Variants in ADGRG2 observed in about 807,000 individuals in gnomAD.
The protein encoded by ADGRG2 is adhesion G protein-coupled receptor G2.
In ADGRG2, 26 loss-of-function variants were observed where a neutral mutation model predicts 74.1. The observed-to-expected ratio is 0.35, with a 90% confidence interval of 0.26 to 0.49. The LOEUF (loss-of-function observed/expected upper bound fraction) is 0.49, where lower values mean the gene tolerates loss of function less well. Ranked by LOEUF, ADGRG2 falls within the 20% of genes least tolerant of loss-of-function variation. ADGRG2 has a pLI of 0.99. For synonymous variants in ADGRG2, 296 were observed against 295.2 expected (o/e 1.00, Z -0.03); for missense variants, 619 against 763.1 (o/e 0.81, Z 2.22).
At chrX:19,047,265 G>C (rs2061212622) in intron 3 of ADGRG2, among the ~76,000 whole-genome samples, 2 of 111,643 alleles carry the variant, frequency 1.8e-5, no homozygotes, top group African/African-American at 6.5e-5. Context: ...TAACATACCT[G>C]TTAATGACTT....
At chrX:19,043,317 G>A (rs1366636263) in intron 3 of ADGRG2, among the ~76,000 whole-genome samples, 2 of 111,140 alleles carry the variant, frequency 1.8e-5, no homozygotes, top group African/African-American at 3.3e-5. Flanking sequence ...ATCAGCTTAT[G>A]TTTCTCTTGG....
Position 19,019,613 on chromosome X carries a change from C to T in ADGRG2, c.696G>A (p.Leu232=). 1 of 1,131,300 alleles carries T rather than the reference C, an allele frequency of 8.8e-7. No homozygotes were observed. Among genetic ancestry groups the T allele is most frequent in the Admixed American group, 2.2e-5 (1 of 45,275 alleles). 93.2% of individuals were successfully genotyped at this position (1,131,300 alleles called of 1,213,427 possible). ...TTGTTACATACCACTGAAGCTTTTC[C>T]AACTCTTCTGGGGAGGAAGGGCAGG... ...RIPCPSSPEE[L]EKLQCDLQDP... The change falls in exon 15 of 29, where the codon TTG becomes TTA. Residue 232 remains leucine, a synonymous_variant. Transcript: ENST00000379869.
At chrX:19,026,948 C>T (rs2060716284) in intron 11 of ADGRG2, among the ~76,000 whole-genome samples, 1 of 112,023 alleles carries the variant, frequency 8.9e-6, no homozygotes, top group African/African-American at 3.2e-5. Context: ...CCTTGGACTC[C>T]TCTTTCAACC....
At chrX:19,095,616 G>C (rs543804638) in intron 1 of ADGRG2, among the ~76,000 whole-genome samples, 1 of 111,834 alleles carries the variant, frequency 8.9e-6, no homozygotes, top group African/African-American at 3.3e-5. Context: ...TAATTAGAAT[G>C]ATAAATAGAA....
chrX:19,058,622 A>T (rs2061439071), intron 3 of ADGRG2, among the ~76,000 whole-genome samples: 1 of 112,418 alleles, frequency 8.9e-6, no homozygotes. Flanking sequence ...TACTATAGCA[A>T]CATTAGAGTA....
At chrX:19,067,010 G>A (rs767231149) in intron 3 of ADGRG2, among the ~76,000 whole-genome samples, 15 of 111,681 alleles carry the variant, frequency 1.3e-4, no homozygotes, top group African/African-American at 2.9e-4. Flanking sequence ...TCATCTATAC[G>A]GTCACTTTGA....
chrX:19,006,620 G>A (rs1394625707), intron 20 of ADGRG2, among the ~76,000 whole-genome samples: 1 of 110,693 alleles, frequency 9.0e-6, no homozygotes, highest in African/African-American at 3.3e-5. Flanking sequence ...TAGTGAGGTC[G>A]TAGATGATGC....
chrX:19,115,476 G>A (rs1416703053), intron 1 of ADGRG2, among the ~76,000 whole-genome samples: 1 of 112,051 alleles, frequency 8.9e-6, no homozygotes, highest in Non-Finnish European at 1.9e-5. Context: ...GGGGAGTACG[G>A]TTTTAGAATG....
In ADGRG2 at chrX:19,037,723, G is replaced by A. The variant is rs1305878407; in HGVS notation, c.155-87C>T. ...ATTAAAACTTTTGAGATATAATTAC[G>A]AAAAGAAGTAGAAAACACACTAGCA... On this transcript the variant is annotated intron_variant, in intron 4 of 28. Coordinates refer to ENST00000379869, the MANE Select transcript of ADGRG2 (RefSeq NM_001079858.3). The A allele has an allele frequency of 2.1e-5, 14 of 673,831 alleles. No individual in the cohort carries two copies. In the Admixed American group the frequency reaches 2.4e-4, roughly 12 times the overall value. The allele number at this position is 673,831 out of a possible 1,213,427, so 55.5% of individuals were successfully genotyped here.
At chrX:19,029,192 TCA>T (rs1188040417) in intron 9 of ADGRG2, among the ~76,000 whole-genome samples, 1 of 111,849 alleles carries the variant, frequency 8.9e-6, no homozygotes, top group East Asian at 2.8e-4. Context: ...ACTAAGAACC[TCA>T]GTTTCCACAT....
intron 1 of ADGRG2, among the ~76,000 whole-genome samples, chrX:19,083,170 A>ATTTTTTTTTTTTTT (rs58522004): frequency 1.2e-5 from 1 of 83,191 alleles, no homozygotes; most frequent in Admixed American, 1.4e-4. Flanking sequence ...CACCCGGCTA[A>ATTTTTTTTTTTTTT]TTTTTTTTTT....
intron 6 of ADGRG2, among the ~76,000 whole-genome samples, chrX:19,036,616 AACACACACACACACAC>A (rs534574581): frequency 7.4e-5 from 7 of 94,691 alleles, no homozygotes; most frequent in Admixed American, 3.6e-4. Context: ...TCATACTTAA[AACACACACACACACAC>A]ACACACACAC....
intron 3 of ADGRG2, among the ~76,000 whole-genome samples, chrX:19,050,901 C>T (rs1362994666): frequency 9.0e-6 from 1 of 111,240 alleles, no homozygotes; most frequent in African/African-American, 3.3e-5. Flanking sequence ...AGTGCCCGGA[C>T]CTCACAGTCT....
chrX:19,010,123 G>GT (rs946891811), intron 17 of ADGRG2, among the ~76,000 whole-genome samples: 8,407 of 93,012 alleles, frequency 0.09, 405 homozygotes, highest in Non-Finnish European at 0.12. Context: ...TTTTGTTTTT[G>GT]TTTTTTTTTT....
At position 19,109,185 on chromosome X, in the gene ADGRG2, C is replaced by CA. The variant is rs199712233; in HGVS notation, c.-47+13256_-47+13257insT. Among the ~76,000 whole-genome samples the CA allele has an allele frequency of 4.9e-3, 551 of 111,581 alleles. 3 individuals carry two copies. Among genetic ancestry groups the CA allele is most frequent in the African/African-American group, 0.017 (519 of 30,761 alleles). On this transcript the variant is annotated intron_variant, in intron 1 of 28. Transcript: ENST00000379869. ...ATGAACAGGTGATCAATATCACAAGCTGAGTAATGGCGCCCAGCTCTTGAC... is the reference window on the plus strand; with the variant it reads ...ATGAACAGGTGATCAATATCACAAGCATGAGTAATGGCGCCCAGCTCTTGAC...
intron 2 of ADGRG2, among the ~76,000 whole-genome samples, chrX:19,081,880 G>A (rs1262357948): frequency 5.5e-5 from 6 of 108,959 alleles, no homozygotes; most frequent in South Asian, 7.9e-4. Flanking sequence ...TTTGAGACCC[G>A]TCTGGCAGCA....
chrX:19,019,811 G>A (rs1278100627), intron 14 of ADGRG2, 146 bp from the exon 15 acceptor site: 4 of 426,632 alleles, frequency 9.4e-6, no homozygotes, highest in Middle Eastern at 3.8e-4. Context: ...TAGATTGGAC[G>A]CCATTGTATT....
chrX:19,120,735 A>G (rs2062596582), intron 1 of ADGRG2, among the ~76,000 whole-genome samples: 1 of 112,277 alleles, frequency 8.9e-6, no homozygotes, highest in South Asian at 3.7e-4. Flanking sequence ...TCAGCATTAA[A>G]CCAAGTGCAG....
At chrX:19,094,360 AT>A (rs201582799) in intron 1 of ADGRG2, among the ~76,000 whole-genome samples, 31 of 106,761 alleles carry the variant, frequency 2.9e-4, no homozygotes, top group East Asian at 5.9e-4. Context: ...TCCTAAATCT[AT>A]TTTTTTTTTA....
Sources: gnomAD v4.1 joint callset for allele counts (sites outside exome capture counted in the v4.1 genomes callset) on GRCh38, gnomAD v4.1.1 for gene constraint, MANE v1.5 for transcripts, NCBI Gene and HGNC (gene_info 2026-07-23, HGNC 2026-07-21) for gene names.